Variants in PLD5 observed in about 807,000 individuals in gnomAD.
PLD5 encodes the protein phospholipase D family member 5.
PLD5 carries 36 observed loss-of-function variants against 61.1 expected under a neutral mutation model. The ratio of observed to expected loss-of-function variants is 0.59; its 90% CI spans 0.45 to 0.78. PLD5 has a LOEUF of 0.78. PLD5 is among the 30% of genes least tolerant of loss of function. The pLI is 0.00. For synonymous variants in PLD5, 243 were observed against 242.8 expected (o/e 1.00, Z -0.01); for missense variants, 515 against 644.4 (o/e 0.80, Z 2.17).
intron 1 of PLD5, among the ~76,000 whole-genome samples, chr1:242,360,820 A>G (rs557551938): frequency 9.9e-5 from 15 of 152,180 alleles, no homozygotes; most frequent in Admixed American, 3.3e-4. Flanking sequence ...TTTTCATTTT[A>G]TCCAGTTTCC....
At chr1:242,302,501 T>C (rs1397699047) in intron 2 of PLD5, among the ~76,000 whole-genome samples, 2 of 151,398 alleles carry the variant, frequency 1.3e-5, no homozygotes, top group Admixed American at 6.6e-5. Context: ...GAGGACTGCT[T>C]GAGGCCAGGA....
At chr1:242,336,562 A>C (rs1374089235) in intron 2 of PLD5, among the ~76,000 whole-genome samples, 1 of 152,198 alleles carries the variant, frequency 6.6e-6, no homozygotes, top group Non-Finnish European at 1.5e-5. Flanking sequence ...CATCTGTGAG[A>C]AAAAAGGGAC....
chr1:242,479,699 GAC>G (rs2102960270), intron 1 of PLD5, among the ~76,000 whole-genome samples: 1 of 152,132 alleles, frequency 6.6e-6, no homozygotes, highest in African/African-American at 2.4e-5. Context: ...AAATGAAAAT[GAC>G]CTAGAATAGC....
rs1673021046 is a variant in PLD5, at chr1:242,256,447, G to C, written c.607+8890C>G. Among the ~76,000 whole-genome samples the C allele has an allele frequency of 6.6e-6, 1 of 152,160 alleles. No homozygotes were observed. The highest frequency in any genetic ancestry group is 1.5e-5 in the Non-Finnish European group (1 of 68,020). On this transcript the variant is annotated intron_variant, in intron 4 of 9. Coordinates refer to ENST00000536534, the MANE Select transcript of PLD5 (RefSeq NM_001372062.1). This position sits in a 1 kb window ranked among gnomAD's most constrained non-coding sequence, Gnocchi z 5.7. ...GGCAGTATTAAGTGGTGGGGTCTTTGGAAAGTGACTGAGTCACGAATGTAT... is the reference window on the plus strand; with the variant it reads ...GGCAGTATTAAGTGGTGGGGTCTTTCGAAAGTGACTGAGTCACGAATGTAT...
intron 6 of PLD5, among the ~76,000 whole-genome samples, chr1:242,122,365 GA>G (rs1297956625): frequency 6.6e-6 from 1 of 152,210 alleles, no homozygotes; most frequent in Non-Finnish European, 1.5e-5. Context: ...CTCCAAGGTT[GA>G]AACTGTAAAT....
At chr1:242,168,651 G>C (rs1240275811) in intron 5 of PLD5, among the ~76,000 whole-genome samples, 1 of 152,096 alleles carries the variant, frequency 6.6e-6, no homozygotes, top group African/African-American at 2.4e-5. Flanking sequence ...CAAGCTTGTT[G>C]GGAATGAGTT....
At chr1:242,133,981 T>C (rs1342933476) in intron 5 of PLD5, among the ~76,000 whole-genome samples, 1 of 152,248 alleles carries the variant, frequency 6.6e-6, no homozygotes, top group African/African-American at 2.4e-5. Context: ...CTGACCTTCC[T>C]GCTTTCTGTC....
chr1:242,284,485 C>A (rs909465607), intron 3 of PLD5, among the ~76,000 whole-genome samples: 23 of 152,132 alleles, frequency 1.5e-4, no homozygotes, highest in Non-Finnish European at 2.5e-4. Flanking sequence ...TAAGTTCCCC[C>A]AGACCTTTTA....
chr1:242,092,017 G>T (rs1351643200), intron 9 of PLD5, among the ~76,000 whole-genome samples: 2 of 151,626 alleles, frequency 1.3e-5, no homozygotes, highest in Non-Finnish European at 2.9e-5. Context: ...TAGTAGAGAC[G>T]GGGTTTCACC....
intron 4 of PLD5, among the ~76,000 whole-genome samples, chr1:242,246,478 A>ACACACACACAC (rs138668018): frequency 7.1e-6 from 1 of 141,106 alleles, no homozygotes; most frequent in Admixed American, 7.0e-5. Context: ...TAGAAAAGAC[A>ACACACACACAC]ACACACACAC....
At chr1:242,352,167 C>T (rs1175589402) in intron 1 of PLD5, among the ~76,000 whole-genome samples, 1 of 152,144 alleles carries the variant, frequency 6.6e-6, no homozygotes, top group Admixed American at 6.5e-5. Flanking sequence ...AGACTTATTC[C>T]TCCAATCTTA....
rs1666681485 is a variant in PLD5, at chr1:242,449,235, C to T, written c.189+74853G>A. On this transcript the variant is annotated intron_variant, in intron 1 of 9. Transcript: ENST00000536534. ...CCCTTCTCATAAAAAAAGGACAGTG[C>T]CTCAGAGCTCAAGTGACTGTTCAGT... 2.3e-6 allele frequency: 3 copies of T among 1,285,064 alleles called. No homozygotes were observed. The Admixed American group carries it at 6.1e-5, about 26-fold the overall frequency. The allele number at this position is 1,285,064 out of a possible 1,614,324, so 79.6% of individuals were successfully genotyped here.
At chr1:242,452,361 T>C (rs977998209) in intron 1 of PLD5, among the ~76,000 whole-genome samples, 2 of 152,164 alleles carry the variant, frequency 1.3e-5, no homozygotes, top group African/African-American at 4.8e-5. Context: ...TGTTACACTT[T>C]TCAGCTTGAT....
intron 9 of PLD5, among the ~76,000 whole-genome samples, chr1:242,092,923 C>G (rs1659948577): frequency 6.6e-6 from 1 of 152,084 alleles, no homozygotes; most frequent in Non-Finnish European, 1.5e-5. Flanking sequence ...CTAAGAACAC[C>G]AAGTCCCTAA....
At chr1:242,299,162 T>A (rs545072778) in intron 2 of PLD5, among the ~76,000 whole-genome samples, 3 of 152,304 alleles carry the variant, frequency 2.0e-5, no homozygotes, top group Non-Finnish European at 4.4e-5. Flanking sequence ...TGTAGGTAGA[T>A]AGGAGTATCC....
chr1:242,224,062 A>G (rs189783894), intron 4 of PLD5, among the ~76,000 whole-genome samples: 2 of 152,206 alleles, frequency 1.3e-5, no homozygotes, highest in Non-Finnish European at 2.9e-5. Context: ...ACTACAAAAC[A>G]TATTTAATGA....
intron 5 of PLD5, among the ~76,000 whole-genome samples, chr1:242,179,840 T>C (rs986384244): frequency 6.6e-6 from 1 of 151,952 alleles, no homozygotes; most frequent in South Asian, 2.1e-4. Flanking sequence ...GAGGCGGAGG[T>C]TGCAGTGAGC....
chr1:242,281,087 G>C (rs1422591281), intron 3 of PLD5, among the ~76,000 whole-genome samples: 5 of 152,198 alleles, frequency 3.3e-5, no homozygotes, highest in Non-Finnish European at 7.3e-5. Context: ...ACTCCACCAG[G>C]CTGCGGGCTT....
At chr1:242,139,950 A>G (rs1043861177) in intron 5 of PLD5, among the ~76,000 whole-genome samples, 6 of 152,218 alleles carry the variant, frequency 3.9e-5, no homozygotes, top group Admixed American at 1.3e-4. Context: ...TTCTCCTGCA[A>G]CTTAGGATCT....
Sources: allele counts gnomAD v4.1 joint callset (sites outside exome capture counted in the v4.1 genomes callset), GRCh38; gene constraint gnomAD v4.1.1; non-coding constraint Gnocchi (gnomAD v3.1); transcripts MANE v1.5; gene names NCBI Gene and HGNC (gene_info 2026-07-23, HGNC 2026-07-21).